Variants in TMC1 observed in about 807,000 individuals in gnomAD.
TMC1 encodes the protein transmembrane channel like 1.
TMC1 carries 84 observed loss-of-function variants against 105.8 expected under a neutral mutation model. The ratio of observed to expected loss-of-function variants is 0.79; its 90% CI spans 0.67 to 0.95. The LOEUF (loss-of-function observed/expected upper bound fraction) is 0.95, where lower values mean the gene tolerates loss of function less well. Ranked by LOEUF, TMC1 falls within the 40% of genes least tolerant of loss-of-function variation. The probability of loss-of-function intolerance (pLI) is 0.00; values close to 1 mark genes in which losing one functional copy is unlikely to be tolerated. For synonymous variants in TMC1, 315 were observed against 311.5 expected, an observed-to-expected ratio of 1.01 and a Z score of -0.12; for missense variants, 817 against 914.1, an observed-to-expected ratio of 0.89 and a Z score of 1.37.
intron 10 of TMC1, among the ~76,000 whole-genome samples, chr9:72,750,195 C>T (rs1484269366): frequency 1.3e-5 from 2 of 152,182 alleles, no homozygotes; most frequent in Admixed American, 6.5e-5. Context: ...TAAGTAGAGG[C>T]TGGAATTTGC....
intron 12 of TMC1, among the ~76,000 whole-genome samples, chr9:72,756,497 CCCCTCCCTTTAT>C (rs1442327712): frequency 6.6e-6 from 1 of 152,104 alleles, no homozygotes; most frequent in Admixed American, 6.6e-5. Context: ...TCTTCCTCCT[CCCCTCCCTTTAT>C]CCCTCCCTTT....
At chr9:72,554,002 A>G (rs370629219) in intron 1 of TMC1, among the ~76,000 whole-genome samples, 1 of 152,180 alleles carries the variant, frequency 6.6e-6, no homozygotes. Context: ...TTCACTCACA[A>G]TTGCTCCACT....
chr9:72,575,327 C>T (rs1325005936), intron 1 of TMC1, among the ~76,000 whole-genome samples: 2 of 151,978 alleles, frequency 1.3e-5, no homozygotes, highest in East Asian at 1.9e-4. Flanking sequence ...ACTACAGGCA[C>T]CCACCACCAA....
At chr9:72,781,343 A>G (rs1048194430) in intron 13 of TMC1, among the ~76,000 whole-genome samples, 1 of 152,198 alleles carries the variant, frequency 6.6e-6, no homozygotes, top group African/African-American at 2.4e-5. Flanking sequence ...TTATAGCACT[A>G]AACACCCACA....
chr9:72,654,489 T>C (rs1825856388), intron 5 of TMC1, among the ~76,000 whole-genome samples: 1 of 152,122 alleles, frequency 6.6e-6, no homozygotes, highest in East Asian at 1.9e-4. Flanking sequence ...ATATTATCTA[T>C]AAATTCTTTG....
At chr9:72,624,003 A>G (rs1825301299) in intron 3 of TMC1, among the ~76,000 whole-genome samples, 2 of 152,102 alleles carry the variant, frequency 1.3e-5, no homozygotes, top group African/African-American at 4.8e-5. Context: ...TACTCAGAAT[A>G]TGTGTTGATT....
intron 2 of TMC1, among the ~76,000 whole-genome samples, chr9:72,592,764 A>G (rs1280781484): frequency 1.3e-5 from 2 of 152,202 alleles, no homozygotes; most frequent in East Asian, 3.8e-4. Context: ...ACCGTCAAAG[A>G]CAGCTGTTAA....
At chr9:72,742,360 C>T (rs1827403940) in intron 9 of TMC1, 84 bp from the exon 10 acceptor site, 3 of 1,026,792 alleles carry the variant, frequency 2.9e-6, no homozygotes, top group Non-Finnish European at 4.5e-6. Context: ...AAGCTTACTG[C>T]ATTGTAATGT....
In TMC1 at chr9:72,821,116, G is replaced by A. The variant is rs1416776159; in HGVS notation, c.2003+35G>A. ...TTTTGAAATTTGACTCAGGCATCGT[G>A]TTCTTTCGGGGGTGGAGGTGGGAAT... On this transcript the variant is annotated intron_variant, in intron 20 of 23. Transcript: ENST00000297784. 5.0e-6 allele frequency: 8 copies of A among 1,613,866 alleles called. No homozygotes were observed. In the South Asian group the frequency reaches 5.5e-5, roughly 11 times the overall value.
Position 72,740,210 on chromosome 9 carries a change from G to A in TMC1, c.453+1G>A. Reference sequence around the variant, plus strand: ...TGCATTTAAGATGATGATGGCCAAGGTAGGTATTTTTATAGTTGTCTGGTT... The same window carrying A: ...TGCATTTAAGATGATGATGGCCAAGATAGGTATTTTTATAGTTGTCTGGTT... On this transcript the variant is annotated splice_donor_variant, in intron 9 of 23. Coordinates refer to ENST00000297784, the MANE Select transcript of TMC1 (RefSeq NM_138691.3). LOFTEE classifies it high-confidence loss of function. The A allele has an allele frequency of 6.2e-7, 1 of 1,613,010 alleles. No homozygotes were observed. The highest frequency in any genetic ancestry group is 8.5e-7 in the Non-Finnish European group (1 of 1,179,158).
At chr9:72,739,785 C>A (rs757713537) in intron 8 of TMC1, among the ~76,000 whole-genome samples, 2 of 152,098 alleles carry the variant, frequency 1.3e-5, no homozygotes. Context: ...CATTTGACTG[C>A]CAGAATGTGA....
chr9:72,779,001 G>A (rs1223208513), intron 13 of TMC1, among the ~76,000 whole-genome samples: 2 of 152,176 alleles, frequency 1.3e-5, no homozygotes, highest in African/African-American at 4.8e-5. Context: ...AGACCCCACT[G>A]CCACTGCCCC....
Position 72,751,644 on chromosome 9 carries a change from A to G in TMC1, c.536-206A>G, listed in dbSNP as rs143113264. ...CATAACTGCATTCTACGTACCTTCT[A>G]CATTCCACATGACAGGGAATGCTTC... On this transcript the variant is annotated intron_variant, in intron 10 of 23. Transcript: ENST00000297784. 1.8e-4 allele frequency among the ~76,000 whole-genome samples: 27 copies of G among 152,350 alleles called. No individual in the cohort carries two copies. The East Asian group carries it at 5.2e-3, about 29-fold the overall frequency.
chr9:72,770,935 G>A (rs1231450464), intron 12 of TMC1, among the ~76,000 whole-genome samples: 1 of 152,108 alleles, frequency 6.6e-6, no homozygotes, highest in Non-Finnish European at 1.5e-5. Context: ...TGCTGGGGAG[G>A]GCAATCTACT....
chr9:72,526,273 C>T (rs1248707210), intron 1 of TMC1, among the ~76,000 whole-genome samples: 1 of 152,096 alleles, frequency 6.6e-6, no homozygotes. Context: ...ATTTTTTTCT[C>T]TTCATGTGTA....
intron 5 of TMC1, among the ~76,000 whole-genome samples, chr9:72,675,854 G>T (rs1433274281): frequency 6.6e-6 from 1 of 152,134 alleles, no homozygotes; most frequent in East Asian, 1.9e-4. Context: ...TACTGACAAG[G>T]AAAGGAATTC....
In TMC1 at chr9:72,572,428, C is replaced by T. The variant is rs1343410002; in HGVS notation, c.-427-5474C>T. On this transcript the variant is annotated intron_variant, in intron 1 of 23. Coordinates refer to ENST00000297784, the MANE Select transcript of TMC1 (RefSeq NM_138691.3). The stretch of plus-strand genomic sequence containing the variant: ...CAGGCTGGTCTTGAACTGCTGGCTT[C>T]GAGCAATTTGCCCGCCTTGGCCTCC... Among the ~76,000 whole-genome samples, 4 of 152,102 alleles carry T rather than the reference C, an allele frequency of 2.6e-5. No homozygotes were observed. In the East Asian group the frequency reaches 7.7e-4, roughly 29 times the overall value.
intron 4 of TMC1, among the ~76,000 whole-genome samples, chr9:72,632,446 C>T (rs995717121): frequency 6.6e-6 from 1 of 152,124 alleles, no homozygotes; most frequent in African/African-American, 2.4e-5. Flanking sequence ...CTCCATACTG[C>T]AGAACACACA....
intron 6 of TMC1, among the ~76,000 whole-genome samples, chr9:72,691,721 G>T (rs34801474): frequency 0.046 from 6,953 of 152,180 alleles, 211 homozygotes; most frequent in Middle Eastern, 0.068. Context: ...ACAGTATGCT[G>T]GGTCCTGTCC....
Sources: gnomAD v4.1 joint callset for allele counts (sites outside exome capture counted in the v4.1 genomes callset) on GRCh38, gnomAD v4.1.1 for gene constraint, MANE v1.5 for transcripts, NCBI Gene and HGNC (gene_info 2026-07-23, HGNC 2026-07-21) for gene names.